PLCG2: variants seen among roughly 807,000 people sequenced by gnomAD.
PLCG2 encodes the protein 1-phosphatidylinositol 4,5-bisphosphate phosphodiesterase gamma-2.
In PLCG2, 69 loss-of-function variants were observed where a neutral mutation model predicts 175.6. The ratio of observed to expected loss-of-function variants is 0.39; its 90% CI spans 0.32 to 0.48. PLCG2 has a LOEUF of 0.48. Ranked by LOEUF, PLCG2 falls within the 20% of genes least tolerant of loss-of-function variation. PLCG2 has a pLI of 0.91. For missense variants in PLCG2, 1,798 were observed against 1,650.9 expected (o/e 1.09, Z -1.54); for synonymous variants, 827 against 624.0 (o/e 1.33, Z -4.85).
At chr16:81,897,720 A>G (rs973043519) in intron 13 of PLCG2, among the ~76,000 whole-genome samples, 1 of 151,494 alleles carries the variant, frequency 6.6e-6, no homozygotes. Flanking sequence ...TAATTTGTGT[A>G]TTTTGGTAGA....
chr16:81,900,098 G>A (rs1022834660), intron 13 of PLCG2, among the ~76,000 whole-genome samples: 1 of 31,140 alleles, frequency 3.2e-5, no homozygotes, highest in South Asian at 1.8e-3. Context: ...AATAATAAAT[G>A]TATGCATGCA....
intron 1 of PLCG2, chr16:81,740,564 C>T (rs1420729982): frequency 5.3e-5 from 8 of 151,714 alleles, no homozygotes; most frequent in Admixed American, 1.3e-4. Context: ...GAAACCCCAT[C>T]TCTAATAAAA....
intron 19 of PLCG2, among the ~76,000 whole-genome samples, chr16:81,913,943 G>A (rs1368994892): frequency 6.6e-6 from 1 of 152,254 alleles, no homozygotes; most frequent in African/African-American, 2.4e-5. Flanking sequence ...ACTGGCTCCA[G>A]CCAGAGAGCA....
At chr16:81,810,771 C>G (rs776865253) in intron 2 of PLCG2, among the ~76,000 whole-genome samples, 2 of 152,042 alleles carry the variant, frequency 1.3e-5, no homozygotes, top group Non-Finnish European at 2.9e-5. Flanking sequence ...TTGCTCAGGG[C>G]AAAGCACTGT....
chr16:81,835,582 TATA>T (rs34471641), intron 2 of PLCG2, among the ~76,000 whole-genome samples: 57,923 of 150,780 alleles, frequency 0.38, 12,038 homozygotes, highest in East Asian at 0.57. Flanking sequence ...CGGTCTCAAA[TATA>T]ATAATAATAA....
At chr16:81,907,664 A>G (rs200425954) in intron 15 of PLCG2, 21 bp from the exon 16 acceptor site, 201 of 1,586,308 alleles carry the variant, frequency 1.3e-4, no homozygotes, top group Admixed American at 8.3e-4. Context: ...GGGGGGCACT[A>G]ATACCAGTTT....
At chr16:81,905,285 G>A in intron 14 of PLCG2, 118 bp from the exon 15 acceptor site, 1 of 689,076 alleles carries the variant, frequency 1.5e-6, no homozygotes, top group Non-Finnish European at 2.6e-6. Context: ...GGGAAGCCAG[G>A]CAGCAAGAAC....
At chr16:81,793,785 G>C (rs1206541026) in intron 2 of PLCG2, among the ~76,000 whole-genome samples, 2 of 152,228 alleles carry the variant, frequency 1.3e-5, no homozygotes, top group Non-Finnish European at 2.9e-5. Context: ...CAGTGGTCCA[G>C]TGAAGGGGGA....
chr16:81,849,771 CAAAAAAAAAAAAA>C (rs34130863), intron 2 of PLCG2, among the ~76,000 whole-genome samples: 21,975 of 84,638 alleles, frequency 0.26, 2,190 homozygotes, highest in South Asian at 0.35. Flanking sequence ...AACTCTGTCT[CAAAAAAAAAAAAA>C]AAAAAAAAAA....
At position 81,786,053 on chromosome 16, in the gene PLCG2, C is replaced by T. The variant is rs1423487027; in HGVS notation, c.64C>T (p.Leu22=). ...TGAGAAGAGCCAGATCAAGAGAGCCCTGGAGCTGGGGACGGTGATGACTGT... is the reference window on the plus strand; with the variant it reads ...TGAGAAGAGCCAGATCAAGAGAGCCTTGGAGCTGGGGACGGTGATGACTGT... ...EYEKSQIKRA[L]ELGTVMTVFS... Residue 22 remains leucine, a synonymous_variant, in exon 2 of 33, where the codon CTG becomes TTG. Coordinates refer to ENST00000564138, the MANE Select transcript of PLCG2 (RefSeq NM_002661.5). 6.2e-7 allele frequency: 1 copy of T among 1,614,120 alleles called. No homozygotes were observed. Among genetic ancestry groups the T allele is most frequent in the East Asian group, 2.2e-5 (1 of 44,900 alleles).
At position 81,956,829 on chromosome 16, in the gene PLCG2, C is replaced by A; in HGVS notation, c.3705C>A (p.Phe1235Leu). Residue 1235 changes from phenylalanine to leucine, a missense_variant, in exon 32 of 33, where the codon TTC (phenylalanine) becomes TTA (leucine). Transcript: ENST00000564138. Reference protein sequence around the residue: ...NANRDALVKEFSVNENQLQLY... With the variant: ...NANRDALVKELSVNENQLQLY... ...ACCGGGATGCCCTGGTTAAAGAGTTCAGTGTTAATGAGAACCAGCTCCAGC... is the reference window on the plus strand; with the variant it reads ...ACCGGGATGCCCTGGTTAAAGAGTTAAGTGTTAATGAGAACCAGCTCCAGC... 1 of 1,614,150 alleles carries A rather than the reference C, an allele frequency of 6.2e-7. No individual in the cohort carries two copies. The highest frequency in any genetic ancestry group is 8.5e-7 in the Non-Finnish European group (1 of 1,180,014).
At chr16:81,881,268 A>G (rs1194422587) in intron 8 of PLCG2, among the ~76,000 whole-genome samples, 1 of 152,222 alleles carries the variant, frequency 6.6e-6, no homozygotes, top group Non-Finnish European at 1.5e-5. Flanking sequence ...AATTACAAAA[A>G]CTAATGTTAA....
chr16:81,807,411 G>T (rs1904286197), intron 2 of PLCG2, among the ~76,000 whole-genome samples: 1 of 152,196 alleles, frequency 6.6e-6, no homozygotes, highest in African/African-American at 2.4e-5. Flanking sequence ...CAAAGGAAGA[G>T]CTGGTTTCAG....
intron 16 of PLCG2, among the ~76,000 whole-genome samples, chr16:81,908,019 C>G (rs961161152): frequency 6.6e-6 from 1 of 152,154 alleles, no homozygotes; most frequent in Admixed American, 6.5e-5. Flanking sequence ...CCTGATTGGC[C>G]TTAGATGGAG....
chr16:81,894,800 G>C (rs1908804077), intron 12 of PLCG2, among the ~76,000 whole-genome samples: 1 of 152,048 alleles, frequency 6.6e-6, no homozygotes, highest in Non-Finnish European at 1.5e-5. Context: ...TTGAGCCTGG[G>C]AGGCAGAGGT....
intron 2 of PLCG2, among the ~76,000 whole-genome samples, chr16:81,808,953 G>T (rs1186973547): frequency 6.6e-6 from 1 of 152,230 alleles, no homozygotes; most frequent in Non-Finnish European, 1.5e-5. Flanking sequence ...CCTGCCTGAT[G>T]AAGGTTGCTG....
chr16:81,847,039 A>T (rs528164504), intron 2 of PLCG2, among the ~76,000 whole-genome samples: 1 of 152,292 alleles, frequency 6.6e-6, no homozygotes, highest in Non-Finnish European at 1.5e-5. Flanking sequence ...ACTCTGTCCC[A>T]TTTCAGGTGC....
At chr16:81,939,297 A>G (rs12918369) in intron 29 of PLCG2, among the ~76,000 whole-genome samples, 102,503 of 151,964 alleles carry the variant, frequency 0.67, 35,001 homozygotes, top group Non-Finnish European at 0.74. Context: ...CTAACCTGGG[A>G]GATCTTAGCC....
chr16:81,844,465 G>T (rs1906007582), intron 2 of PLCG2, among the ~76,000 whole-genome samples: 1 of 152,112 alleles, frequency 6.6e-6, no homozygotes, highest in East Asian at 1.9e-4. Context: ...GCGATTACAG[G>T]TGCATGCCCC....
Sources: gnomAD v4.1 joint callset for allele counts (sites outside exome capture counted in the v4.1 genomes callset) on GRCh38, gnomAD v4.1.1 for gene constraint, MANE v1.5 for transcripts, NCBI Gene and HGNC (gene_info 2026-07-23, HGNC 2026-07-21) for gene names.